The following CTNNBL1 variants were observed in gnomAD, a reference collection of about 807,000 sequenced individuals.
CTNNBL1 encodes the protein beta-catenin-like protein 1.
A neutral mutation model predicts 72.7 loss-of-function variants in CTNNBL1; 31 were observed. The ratio of observed to expected loss-of-function variants is 0.43; its 90% CI spans 0.32 to 0.58. The LOEUF is 0.58. Ranked by LOEUF, CTNNBL1 falls within the 20% of genes least tolerant of loss-of-function variation. The pLI is 0.08. For synonymous variants in CTNNBL1, 240 were observed against 267.3 expected, an observed-to-expected ratio of 0.90 and a Z score of 1.00; for missense variants, 534 against 725.1, an observed-to-expected ratio of 0.74 and a Z score of 3.03.
intron 15 of CTNNBL1, among the ~76,000 whole-genome samples, chr20:37,866,027 G>A (rs1488479870): frequency 2.0e-5 from 3 of 152,220 alleles, no homozygotes; most frequent in African/African-American, 7.2e-5. Flanking sequence ...AGGCTGATAG[G>A]ATTTATCTTT....
At chr20:37,779,654 ATTAC>A (rs1478758593) in intron 10 of CTNNBL1, among the ~76,000 whole-genome samples, 2 of 152,150 alleles carry the variant, frequency 1.3e-5, no homozygotes, top group Non-Finnish European at 2.9e-5. Context: ...AAATCTAGCC[ATTAC>A]TTCTAAACTT....
intron 7 of CTNNBL1, among the ~76,000 whole-genome samples, chr20:37,773,909 C>CTTTTTTTT (rs1176688817): frequency 5.4e-4 from 57 of 104,638 alleles, no homozygotes; most frequent in East Asian, 7.7e-4. Flanking sequence ...TTCTTTCTCT[C>CTTTTTTTT]TTTTTTTTTT....
intron 5 of CTNNBL1, among the ~76,000 whole-genome samples, chr20:37,764,514 G>A (rs779295168): frequency 6.6e-6 from 1 of 151,938 alleles, no homozygotes; most frequent in South Asian, 2.1e-4. Flanking sequence ...CTAATGTCTT[G>A]AACATCAGCT....
intron 11 of CTNNBL1, among the ~76,000 whole-genome samples, chr20:37,837,556 G>A (rs983273484): frequency 1.3e-5 from 2 of 152,080 alleles, no homozygotes; most frequent in Non-Finnish European, 1.5e-5. Context: ...CTGCTCCCAC[G>A]TACAAAAACT....
At chr20:37,703,919 A>G (rs1433242913) in intron 1 of CTNNBL1, among the ~76,000 whole-genome samples, 3 of 151,904 alleles carry the variant, frequency 2.0e-5, no homozygotes, top group South Asian at 2.1e-4. Flanking sequence ...CCGGGATTAC[A>G]GGCATGTGCC....
Position 37,802,982 on chromosome 20 carries a change from T to C in CTNNBL1, c.1147T>C (p.Phe383Leu). The C allele has an allele frequency of 6.2e-7, 1 of 1,614,134 alleles. No homozygotes were observed. Among genetic ancestry groups the C allele is most frequent in the Non-Finnish European group, 8.5e-7 (1 of 1,180,014 alleles). ...FVDILGLRTI[F>L]PLFMKSPRKI... ...TGACATTCTTGGCTTACGAACCATC[T>C]TTCCCCTCTTTATGAAATCTCCCAG... The change falls in exon 11 of 16, where the codon TTT becomes CTT. Residue 383 changes from phenylalanine (F) to leucine (L), a missense_variant. Transcript: ENST00000361383.
chr20:37,737,751 A>G (rs1004183487), intron 3 of CTNNBL1, among the ~76,000 whole-genome samples: 7 of 152,190 alleles, frequency 4.6e-5, no homozygotes, highest in Admixed American at 2.0e-4. Context: ...CAGGCTTCCT[A>G]TGTTTTCTCC....
chr20:37,718,584 G>T (rs1211244723), intron 1 of CTNNBL1, among the ~76,000 whole-genome samples: 2 of 151,492 alleles, frequency 1.3e-5, no homozygotes, highest in African/African-American at 4.9e-5. Context: ...TGGCCGGGCG[G>T]GGGGCTGACC....
chr20:37,817,206 G>A (rs144969270), intron 11 of CTNNBL1, among the ~76,000 whole-genome samples: 21 of 152,250 alleles, frequency 1.4e-4, no homozygotes, highest in South Asian at 1.2e-3. Flanking sequence ...AGGAGACGTC[G>A]GAGAACTAAG....
intron 1 of CTNNBL1, 46 bp downstream of exon 1, chr20:37,694,198 A>AG: frequency 6.5e-7 from 1 of 1,534,950 alleles, no homozygotes; most frequent in Non-Finnish European, 8.8e-7. Context: ...TCACCTGGGC[A>AG]GGGGTCGCAG....
chr20:37,779,056 A>G, intron 9 of CTNNBL1, 131 bp from the exon 10 acceptor site: 1 of 824,836 alleles, frequency 1.2e-6, no homozygotes, highest in Non-Finnish European at 1.9e-6. Context: ...ACTGATGAGA[A>G]TTTTGTTTGG....
intron 11 of CTNNBL1, among the ~76,000 whole-genome samples, chr20:37,825,675 C>CA (rs1170982480): frequency 5.7e-4 from 84 of 148,400 alleles, no homozygotes; most frequent in African/African-American, 1.7e-3. Flanking sequence ...AACCCCATCT[C>CA]AAAAAAAAAA....
intron 13 of CTNNBL1, among the ~76,000 whole-genome samples, chr20:37,849,296 A>C (rs1056313303): frequency 2.0e-5 from 3 of 152,084 alleles, no homozygotes; most frequent in Non-Finnish European, 4.4e-5. Flanking sequence ...TCTCCACCCA[A>C]ACACAGTAAA....
At chr20:37,730,505 G>A (rs2073119711) in intron 1 of CTNNBL1, among the ~76,000 whole-genome samples, 1 of 152,196 alleles carries the variant, frequency 6.6e-6, no homozygotes, top group South Asian at 2.1e-4. Context: ...GTTTAGAGAG[G>A]TAGGTGATGG....
intron 11 of CTNNBL1, among the ~76,000 whole-genome samples, chr20:37,818,194 A>T (rs2072076065): frequency 6.6e-6 from 1 of 152,208 alleles, no homozygotes; most frequent in Non-Finnish European, 1.5e-5. Context: ...ACACTTAATG[A>T]TTCCAGGCAA....
chr20:37,770,890 A>T (rs2073516440), intron 7 of CTNNBL1, among the ~76,000 whole-genome samples: 2 of 152,230 alleles, frequency 1.3e-5, no homozygotes, highest in Admixed American at 1.3e-4. Flanking sequence ...GTCCTGCTTA[A>T]GGGTGAGGCC....
intron 1 of CTNNBL1, among the ~76,000 whole-genome samples, chr20:37,720,945 G>A (rs1325507596): frequency 6.6e-6 from 1 of 152,210 alleles, no homozygotes. Flanking sequence ...TGCCGAGGAA[G>A]CTCACAAGTT....
At chr20:37,771,804 T>C (rs1435180086) in intron 7 of CTNNBL1, among the ~76,000 whole-genome samples, 1 of 152,154 alleles carries the variant, frequency 6.6e-6, no homozygotes, top group Non-Finnish European at 1.5e-5. Context: ...AGATAAAAAA[T>C]TTAAAATTGA....
intron 13 of CTNNBL1, 100 bp from the exon 14 acceptor site, chr20:37,859,799 A>G: frequency 3.5e-6 from 4 of 1,155,158 alleles, no homozygotes; most frequent in Non-Finnish European, 4.9e-6. Flanking sequence ...TGCTGTTGTT[A>G]TAGTTGCTAT....
Sources: gnomAD v4.1 joint callset for allele counts (sites outside exome capture counted in the v4.1 genomes callset) on GRCh38, gnomAD v4.1.1 for gene constraint, MANE v1.5 for transcripts, NCBI Gene and HGNC (gene_info 2026-07-23, HGNC 2026-07-21) for gene names.